The following SART1 variants were observed in gnomAD, a reference collection of about 807,000 sequenced individuals.
SART1 encodes U4/U6.U5 tri-snRNP-associated protein 1.
A neutral mutation model predicts 105.0 loss-of-function variants in SART1; 28 were observed. The observed-to-expected ratio is 0.27, with a 90% confidence interval of 0.20 to 0.37. SART1 has a LOEUF of 0.37. Ranked by LOEUF, SART1 falls within the 10% of genes least tolerant of loss-of-function variation. The pLI, the probability that SART1 is intolerant of heterozygous loss-of-function variation, is 1.00. For synonymous variants in SART1, 472 were observed against 462.9 expected (o/e 1.02, Z -0.25); for missense variants, 894 against 1,106.5 (o/e 0.81, Z 2.72).
At chr11:65,975,124 GA>G (rs1172002724) in intron 12 of SART1, among the ~76,000 whole-genome samples, 1 of 139,360 alleles carries the variant, frequency 7.2e-6, no homozygotes, top group African/African-American at 2.8e-5. Flanking sequence ...TTTTTTTGGA[GA>G]CAGGGTATTG....
intron 12 of SART1, among the ~76,000 whole-genome samples, chr11:65,971,471 ATGG>A (rs1212815864): frequency 2.9e-4 from 5 of 17,388 alleles, no homozygotes; most frequent in Non-Finnish European, 5.6e-4. Flanking sequence ...GAGGAGGGGG[ATGG>A]TGGGATTCAT....
At chr11:65,971,440 TGGTG>T in intron 12 of SART1, among the ~76,000 whole-genome samples, 1 of 68,060 alleles carries the variant, frequency 1.5e-5, no homozygotes, top group African/African-American at 6.9e-5. Flanking sequence ...AGGAGGGGGA[TGGTG>T]GGATTCATGA....
chr11:65,974,279 C>T (rs1431336491), intron 12 of SART1, among the ~76,000 whole-genome samples: 1 of 140,078 alleles, frequency 7.1e-6, no homozygotes, highest in African/African-American at 2.7e-5. Flanking sequence ...GAGGCTGAGG[C>T]AGGAGAATCA....
At position 65,965,234 on chromosome 11, in the gene SART1, C is replaced by T; in HGVS notation, c.554+16C>T. ...AAAAGCTGGGGTGAGGGGTCCTGGC[C>T]AGGGCAGGCAAGGGAAGGGCTGGGG... On this transcript the variant is annotated intron_variant, in intron 4 of 19. Coordinates refer to ENST00000312397, the MANE Select transcript of SART1 (RefSeq NM_005146.5). 2 of 1,608,664 alleles carry T rather than the reference C, an allele frequency of 1.2e-6. No individual in the cohort carries two copies. Among genetic ancestry groups the T allele is most frequent in the Non-Finnish European group, 1.7e-6 (2 of 1,178,388 alleles).
Position 65,961,961 on chromosome 11 carries a change from G to C in SART1, c.181G>C (p.Gly61Arg). Reference protein sequence around the residue: ...ERRKRSRERGGERGSGRRGAE... With the variant: ...ERRKRSRERGRERGSGRRGAE... ...ACGGAAGCGGAGCCGGGAACGTGGGGGCGAGCGCGGGAGCGGGCGGCGCGG... is the reference window on the plus strand; with the variant it reads ...ACGGAAGCGGAGCCGGGAACGTGGGCGCGAGCGCGGGAGCGGGCGGCGCGG... Residue 61 changes from glycine to arginine, a missense_variant, in exon 1 of 20, where the codon GGC (glycine) becomes CGC (arginine). Around this residue, in one of 2 missense-constraint regions of SART1, gnomAD observed 712 missense variants for 778.2 expected, o/e 0.91. Coordinates refer to ENST00000312397, the MANE Select transcript of SART1 (RefSeq NM_005146.5). 6.6e-7 allele frequency: 1 copy of C among 1,524,734 alleles called. No individual in the cohort carries two copies. Among genetic ancestry groups the C allele is most frequent in the South Asian group, 1.2e-5 (1 of 81,848 alleles). The allele number at this position is 1,524,734 out of a possible 1,614,324, so 94.5% of individuals were successfully genotyped here.
intron 1 of SART1, among the ~76,000 whole-genome samples, chr11:65,962,483 A>G (rs1237916151): frequency 6.6e-6 from 1 of 152,262 alleles, no homozygotes; most frequent in Non-Finnish European, 1.5e-5. Context: ...TAGTGTCAGC[A>G]TATACAGAGG....
At position 65,979,170 on chromosome 11, in the gene SART1, T is replaced by TCTCACCTAGCAG; in HGVS notation, c.*140_*141insCTCACCTAGCAG. On this transcript the variant is annotated 3_prime_UTR_variant, in exon 20 of 20. Transcript: ENST00000312397. Reference sequence around the variant, plus strand: ...GGCACAGAGTCTGGCTCCTGCTAGGTGAGACCTGGCCATCAAATGACACAA... The same window carrying TCTCACCTAGCAG: ...GGCACAGAGTCTGGCTCCTGCTAGGTCTCACCTAGCAGGAGACCTGGCCATCAAATGACACAA... The TCTCACCTAGCAG allele has an allele frequency of 2.7e-6, 3 of 1,104,226 alleles. No homozygotes were observed. The highest frequency in any genetic ancestry group is 4.0e-6 in the Non-Finnish European group (3 of 752,112). The allele number at this position is 1,104,226 out of a possible 1,614,324, so 68.4% of individuals were successfully genotyped here. A position where few individuals can be genotyped will look rare whatever the true frequency, so the allele number is the denominator to read the frequency against.
Position 65,979,391 on chromosome 11 carries a change from C to A in SART1, c.*361C>A. 1 of 342,608 alleles carries A rather than the reference C, an allele frequency of 2.9e-6. No homozygotes were observed. The highest frequency in any genetic ancestry group is 3.4e-5 in the South Asian group (1 of 29,532). The allele number at this position is 342,608 out of a possible 1,614,324, so 21.2% of individuals were successfully genotyped here. A position where few individuals can be genotyped will look rare whatever the true frequency, so the allele number is the denominator to read the frequency against. On this transcript the variant is annotated 3_prime_UTR_variant, in exon 20 of 20. Transcript: ENST00000312397. ...GTCCTGTAATGTCTCCCGGTCAGGG[C>A]AGCCCAGGACTGCCCAGCCTGGTGG...
At position 65,976,948 on chromosome 11, in the gene SART1, G is replaced by A. The variant is rs145648559; in HGVS notation, c.1858-66G>A. 2.4e-4 allele frequency: 325 copies of A among 1,353,924 alleles called. 1 individual carries two copies. In the African/African-American group the frequency reaches 4.2e-3, roughly 17 times the overall value. 83.9% of individuals were successfully genotyped at this position (1,353,924 alleles called of 1,614,324 possible). On this transcript the variant is annotated intron_variant, in intron 14 of 19. Transcript: ENST00000312397. This position sits in a 1 kb window ranked among gnomAD's most constrained non-coding sequence, Gnocchi z 5.1. ...GGAGGGCTGGTGCCTGGCAGGTGGT[G>A]ACCAGTGGGTGGGGCTGAGAAGAGC...
intron 12 of SART1, among the ~76,000 whole-genome samples, chr11:65,968,131 G>A (rs942167735): frequency 5.9e-5 from 9 of 152,070 alleles, no homozygotes; most frequent in Non-Finnish European, 1.3e-4. Flanking sequence ...TATATTTTTA[G>A]TAGAGACGGG....
chr11:65,971,978 C>CAGTG (rs1244625680), intron 12 of SART1, among the ~76,000 whole-genome samples: 1 of 152,034 alleles, frequency 6.6e-6, no homozygotes, highest in Admixed American at 6.5e-5. Flanking sequence ...GGCTGGGGTG[C>CAGTG]AGTGACTCTA....
chr11:65,972,979 G>C (rs556351316), intron 12 of SART1, among the ~76,000 whole-genome samples: 17 of 152,100 alleles, frequency 1.1e-4, no homozygotes, highest in Non-Finnish European at 1.6e-4. Flanking sequence ...GACCATCCTG[G>C]TCAACACAGT....
At position 65,961,965 on chromosome 11, in the gene SART1, A is replaced by G; in HGVS notation, c.185A>G (p.Glu62Gly). Residue 62 changes from glutamate (E) to glycine (G), a missense_variant, in exon 1 of 20, where the codon GAG (glutamate) becomes GGG (glycine). Physicochemically the swap from Glu to Gly is moderately conservative, Grantham distance 98. Transcript: ENST00000312397. ...RRKRSRERGG[E>G]RGSGRRGAEA... ...AAGCGGAGCCGGGAACGTGGGGGCG[A>G]GCGCGGGAGCGGGCGGCGCGGGGCC... is the stretch of plus-strand genomic sequence containing the variant. 2.0e-6 allele frequency: 3 copies of G among 1,521,794 alleles called. No individual in the cohort carries two copies. The highest frequency in any genetic ancestry group is 2.6e-6 in the Non-Finnish European group (3 of 1,136,730). The allele number at this position is 1,521,794 out of a possible 1,614,324, so 94.3% of individuals were successfully genotyped here.
intron 12 of SART1, among the ~76,000 whole-genome samples, chr11:65,970,239 A>G (rs558614355): frequency 4.6e-4 from 70 of 152,330 alleles, no homozygotes; most frequent in Non-Finnish European, 8.8e-4. Flanking sequence ...TGGCGAAATC[A>G]GGGCCTTCTC....
Position 65,965,164 on chromosome 11 carries a change from T to C in SART1, c.500T>C (p.Leu167Pro). The C allele has an allele frequency of 1.2e-6, 2 of 1,606,054 alleles. No homozygotes were observed. The highest frequency in any genetic ancestry group is 1.7e-6 in the Non-Finnish European group (2 of 1,178,178). ...ATGGCCTTGCGACAGCGAGAGGAGCTGCGGGAGAAGCTGGCGGCTGCCAAG... is the reference window on the plus strand; with the variant it reads ...ATGGCCTTGCGACAGCGAGAGGAGCCGCGGGAGAAGCTGGCGGCTGCCAAG... ...NPMALRQREE[L>P]REKLAAAKEK... Residue 167 changes from leucine (L) to proline (P), a missense_variant, in exon 4 of 20, where the codon CTG becomes CCG. Coordinates refer to ENST00000312397, the MANE Select transcript of SART1 (RefSeq NM_005146.5).
rs1344011787 is a variant in SART1, at chr11:65,977,029, A to G, written c.1873A>G (p.Thr625Ala). 6.2e-7 allele frequency: 1 copy of G among 1,613,298 alleles called. No homozygotes were observed. The highest frequency in any genetic ancestry group is 8.5e-7 in the Non-Finnish European group (1 of 1,179,502). The part of the protein sequence containing the change: ...KQQQDFSASS[T>A]TILDEEPIVN... ...TGTCCCGTAGTTCTCTGCTTCCTCC[A>G]CCACCATCCTGGACGAGGAACCGAT... The change falls in exon 15 of 20, where the codon ACC becomes GCC. Residue 625 changes from threonine to alanine, a missense_variant. Thr to Ala is a moderately conservative substitution (Grantham distance 58). This residue lies in a region of SART1 where 182 missense variants were observed against 328.3 expected (regional missense o/e 0.55). Transcript: ENST00000312397.
At chr11:65,964,707 C>T in intron 3 of SART1, 137 bp downstream of exon 3, 4 of 853,304 alleles carry the variant, frequency 4.7e-6, no homozygotes, top group South Asian at 3.8e-5. Context: ...GCATGAGGTC[C>T]CTCCTTGCTG....
At chr11:65,970,078 A>AT (rs1466833301) in intron 12 of SART1, among the ~76,000 whole-genome samples, 2 of 152,208 alleles carry the variant, frequency 1.3e-5, no homozygotes, top group Non-Finnish European at 2.9e-5. Context: ...CAGGCAAAAA[A>AT]GTGGAAAGCC....
Position 65,964,118 on chromosome 11 carries a change from A to G in SART1, c.358A>G (p.Ile120Val), listed in dbSNP as rs1855200783. 8.1e-6 allele frequency: 13 copies of G among 1,613,158 alleles called. No homozygotes were observed. The highest frequency in any genetic ancestry group is 1.1e-5 in the Non-Finnish European group (13 of 1,179,960). Residue 120 changes from isoleucine to valine, a missense_variant, in exon 2 of 20, where the codon ATC becomes GTC. Physicochemically the swap from Ile to Val is conservative, Grantham distance 29. This residue lies in a region of SART1 where 712 missense variants were observed against 778.2 expected (regional missense o/e 0.91). Transcript: ENST00000312397. ...TSSGDASSLS[I>V]EETNKLRAKL... ...CTCAGGCGATGCCTCCTCACTCAGC[A>G]TCGAGGAGACTAAGTGAGTACTGTC...
Sources: gnomAD v4.1 joint callset for allele counts (sites outside exome capture counted in the v4.1 genomes callset) on GRCh38, gnomAD v4.1.1 for gene constraint, gnomAD v4.1.1 regional missense constraint, Gnocchi (gnomAD v3.1) non-coding constraint, MANE v1.5 for transcripts, NCBI Gene and HGNC (gene_info 2026-07-23, HGNC 2026-07-21) for gene names.